The following MYO15A variants were observed in gnomAD, a reference collection of about 807,000 sequenced individuals.
MYO15A encodes unconventional myosin-XV.
MYO15A carries 308 observed loss-of-function variants against 394.6 expected under a neutral mutation model. The observed-to-expected ratio is 0.78, with a 90% confidence interval of 0.71 to 0.86. The LOEUF (loss-of-function observed/expected upper bound fraction) is 0.86. MYO15A is among the 40% of genes least tolerant of loss of function. MYO15A has a pLI of 0.00. For synonymous variants in MYO15A, 1,957 were observed against 2,003.8 expected (o/e 0.98, Z 0.62); for missense variants, 4,606 against 4,799.1 (o/e 0.96, Z 1.19).
rs376620292 is a variant in MYO15A at position 18,119,376 on chromosome 17, C to T, written c.576C>T (p.Arg192=). Residue 192 remains arginine (R), a synonymous_variant, in exon 2 of 66, where the codon CGC becomes CGT. Transcript: ENST00000647165. ...GGGGCCGGCTCCGGAGGTTCCCCCGCAGCCGCAGCATCTACGCGTCAGGCG... is the reference window on the plus strand; with the variant it reads ...GGGGCCGGCTCCGGAGGTTCCCCCGTAGCCGCAGCATCTACGCGTCAGGCG... ...RPGGRLRRFP[R]SRSIYASGEP... is the part of the protein sequence containing the mutation. 3.0e-5 allele frequency: 48 copies of T among 1,610,184 alleles called. No homozygotes were observed. The African/African-American group carries it at 5.6e-4, about 19-fold the overall frequency.
At position 18,154,179 on chromosome 17, in the gene MYO15A, C is replaced by CT; in HGVS notation, c.8138dup (p.Phe2714ValfsTer18). On this transcript the variant is annotated frameshift_variant, in exon 44 of 66. Transcript: ENST00000647165. LOFTEE classifies it high-confidence loss of function. ...CAGCCATCCTGTGCAGCTTGACCTCCTGTTCCGGCAGGTGAGGTCCTGTCT... is the reference window on the plus strand; with the variant it reads ...CAGCCATCCTGTGCAGCTTGACCTCCTTGTTCCGGCAGGTGAGGTCCTGTCT... 1 of 1,614,086 alleles carries CT rather than the reference C, an allele frequency of 6.2e-7. No homozygotes were observed. The highest frequency in any genetic ancestry group is 8.5e-7 in the Non-Finnish European group (1 of 1,180,046).
At position 18,143,553 on chromosome 17, in the gene MYO15A, T is replaced by A. The variant is rs377216120; in HGVS notation, c.5911-13T>A. 16 of 1,553,588 alleles carry A rather than the reference T, an allele frequency of 1.0e-5. No homozygotes were observed. Among genetic ancestry groups the A allele is most frequent in the Non-Finnish European group, 1.4e-5 (16 of 1,148,580 alleles). On this transcript the variant is annotated splice_polypyrimidine_tract_variant and intron_variant, in intron 25 of 65. Coordinates refer to ENST00000647165, the MANE Select transcript of MYO15A (RefSeq NM_016239.4). The stretch of plus-strand genomic sequence containing the variant: ...GCCTGCCACTCCCCAACCTGACATC[T>A]TCTCTTCTGAAGCTGAGGGCAGAGT...
At chr17:18,170,553 C>T (rs574881834) in intron 62 of MYO15A, among the ~76,000 whole-genome samples, 19 of 151,850 alleles carry the variant, frequency 1.3e-4, no homozygotes, top group African/African-American at 4.6e-4. Flanking sequence ...AGACGGGGGT[C>T]TTACCATGTT....
In MYO15A at chr17:18,121,873, G is replaced by A. The variant is rs1276254862; in HGVS notation, c.3073G>A (p.Ala1025Thr). ...CACCCTGGGGGACCCCCAGCTGCCAGCAGAGACCAAGCCTCCAACCCCAGC... is the reference window on the plus strand; with the variant it reads ...CACCCTGGGGGACCCCCAGCTGCCAACAGAGACCAAGCCTCCAACCCCAGC... The part of the protein sequence containing the change: ...EATLGDPQLP[A>T]ETKPPTPAPP... Residue 1025 changes from alanine to threonine, a missense_variant, in exon 2 of 66, where the codon GCA becomes ACA. Coordinates refer to ENST00000647165, the MANE Select transcript of MYO15A (RefSeq NM_016239.4). This position sits in a 1 kb window ranked among gnomAD's most constrained non-coding sequence, Gnocchi z 5.3. 3.1e-6 allele frequency: 5 copies of A among 1,612,764 alleles called. No individual in the cohort carries two copies. The highest frequency in any genetic ancestry group is 1.3e-5 in the African/African-American group (1 of 74,872).
In MYO15A at chr17:18,154,037, A is replaced by C; in HGVS notation, c.8089-94A>C. ...GGGCTGAAACCAGGGGTGGGGTTAC[A>C]GCCGGGGCGGAACTGCATTTAGGGG... On this transcript the variant is annotated intron_variant, in intron 43 of 65. Transcript: ENST00000647165. 1.9e-6 allele frequency: 3 copies of C among 1,604,210 alleles called. No homozygotes were observed. The South Asian group carries it at 3.3e-5, about 18-fold the overall frequency.
chr17:18,169,652 G>A lies in MYO15A; in HGVS notation c.10082+1929G>A, dbSNP rs183362550. The A allele has an allele frequency of 3.3e-5, 5 of 151,946 alleles. No homozygotes were observed. The East Asian group carries it at 9.7e-4, about 29-fold the overall frequency. 9.4% of individuals were successfully genotyped at this position (151,946 alleles called of 1,614,324 possible). On this transcript the variant is annotated intron_variant, in intron 62 of 65. Coordinates refer to ENST00000647165, the MANE Select transcript of MYO15A (RefSeq NM_016239.4). ...ACTCCGTCTCAAAAACAAAAAAAGTGGACCTCAAAGAGCTTTTGTTTATGT... is the reference window on the plus strand; with the variant it reads ...ACTCCGTCTCAAAAACAAAAAAAGTAGACCTCAAAGAGCTTTTGTTTATGT...
At chr17:18,159,747 T>C in intron 55 of MYO15A, 68 bp downstream of exon 55, 1 of 1,564,332 alleles carries the variant, frequency 6.4e-7, no homozygotes, top group South Asian at 1.1e-5. Context: ...CATCTATCAA[T>C]GAGTCACAGG....
rs767205508 is a variant in MYO15A, at chr17:18,153,852, T to C, written c.8044T>C (p.Tyr2682His). The C allele has an allele frequency of 6.2e-7, 1 of 1,613,640 alleles. No individual in the cohort carries two copies. The highest frequency in any genetic ancestry group is 1.7e-5 in the Admixed American group (1 of 60,026). Residue 2682 changes from tyrosine to histidine, a missense_variant, in exon 43 of 66, where the codon TAC becomes CAC. By Grantham distance (83) the Tyr-to-His change is moderately conservative (BLOSUM62 2). Coordinates refer to ENST00000647165, the MANE Select transcript of MYO15A (RefSeq NM_016239.4). The surrounding 1 kb of genome is among the most constrained non-coding windows in gnomAD (Gnocchi z 4.1). ...RLHRLINPNF[Y>H]GYQDAPWKIF... Reference sequence around the variant, plus strand: ...GCACCGCCTCATCAATCCCAACTTCTACGGCTATCAGGACGCCCCCTGGAA... The same window carrying C: ...GCACCGCCTCATCAATCCCAACTTCCACGGCTATCAGGACGCCCCCTGGAA...
Position 18,132,926 on chromosome 17 carries a change from A to G in MYO15A, c.4321-299A>G, listed in dbSNP as rs932091097. On this transcript the variant is annotated intron_variant, in intron 11 of 65. Transcript: ENST00000647165. This position sits in a 1 kb window ranked among gnomAD's most constrained non-coding sequence, Gnocchi z 4.6. ...GAGGCTTAGATGAGGAAACGCATGTAAAGAGCTTAGCACAGGGCCTGGCAT... is the reference window on the plus strand; with the variant it reads ...GAGGCTTAGATGAGGAAACGCATGTGAAGAGCTTAGCACAGGGCCTGGCAT... Among the ~76,000 whole-genome samples, 3 of 152,214 alleles carry G rather than the reference A, an allele frequency of 2.0e-5. No individual in the cohort carries two copies. The highest frequency in any genetic ancestry group is 7.2e-5 in the African/African-American group (3 of 41,454).
chr17:18,128,061 C>A (rs1352499436), intron 7 of MYO15A, among the ~76,000 whole-genome samples: 1 of 151,722 alleles, frequency 6.6e-6, no homozygotes, highest in South Asian at 2.1e-4. Context: ...AGCGCCTGCA[C>A]TTTGAGGTGC....
chr17:18,150,812 G>T lies in MYO15A; in HGVS notation c.7396-24G>T. ...GGGGGGTGGAGAATGGACCTGCCTG[G>T]TCACCACTGCCACCTCTCCCCAGGC... On this transcript the variant is annotated intron_variant, in intron 37 of 65. Coordinates refer to ENST00000647165, the MANE Select transcript of MYO15A (RefSeq NM_016239.4). The surrounding 1 kb of genome is among the most constrained non-coding windows in gnomAD (Gnocchi z 4.4). 7 of 1,587,648 alleles carry T rather than the reference G, an allele frequency of 4.4e-6. No individual in the cohort carries two copies. The highest frequency in any genetic ancestry group is 6.0e-6 in the Non-Finnish European group (7 of 1,166,602).
chr17:18,166,367 A>G lies in MYO15A; in HGVS notation c.9794A>G (p.His3265Arg). The change falls in exon 61 of 66, where the codon CAT (histidine) becomes CGT (arginine). Residue 3265 changes from histidine (H) to arginine (R), a missense_variant. This residue lies in a region of MYO15A where 2,776 missense variants were observed against 3,109.3 expected (regional missense o/e 0.89). Coordinates refer to ENST00000647165, the MANE Select transcript of MYO15A (RefSeq NM_016239.4). ...GCCTCCCTGCTCTCTGCAGGCCAGC[A>G]TGTGTGCCCACTCAGTCGCCGTGCT... The part of the protein sequence containing the change: ...VIFVVTNRGQ[H>R]VCPLSRRAYI... The G allele has an allele frequency of 6.2e-7, 1 of 1,613,078 alleles. No homozygotes were observed. The highest frequency in any genetic ancestry group is 8.5e-7 in the Non-Finnish European group (1 of 1,180,020).
At position 18,157,845 on chromosome 17, in the gene MYO15A, TG is replaced by T; in HGVS notation, c.8914del (p.Ala2972ProfsTer62). 7.5e-7 allele frequency: 1 copy of T among 1,339,750 alleles called. No individual in the cohort carries two copies. 83.0% of individuals were successfully genotyped at this position (1,339,750 alleles called of 1,614,324 possible). ...CCAGGCCGCGGCCGAGCAGCCGCCGTGGCCGCTGCTGTGGCCTCTGCAGCCG... is the reference window on the plus strand; with the variant it reads ...CCAGGCCGCGGCCGAGCAGCCGCCGTGCCGCTGCTGTGGCCTCTGCAGCCG... ...TEPGRGRAAA[V>X]AAAVASAAAA... On this transcript the variant is annotated frameshift_variant, in exon 51 of 66. Coordinates refer to ENST00000647165, the MANE Select transcript of MYO15A (RefSeq NM_016239.4). LOFTEE classifies it high-confidence loss of function.
intron 65 of MYO15A, chr17:18,176,897 A>T (rs1034141781): frequency 2.0e-5 from 3 of 152,200 alleles, no homozygotes; most frequent in African/African-American, 7.2e-5. Context: ...TCATTCCCCC[A>T]TCAGAATGTC....
intron 7 of MYO15A, 116 bp downstream of exon 7, chr17:18,127,281 T>TC: frequency 7.8e-7 from 1 of 1,282,474 alleles, no homozygotes; most frequent in Non-Finnish European, 1.1e-6. Flanking sequence ...GAGGCTGAGT[T>TC]CCAGAAGGGG....
rs747863199 is a variant in MYO15A at position 18,119,755 on chromosome 17, CCGT to C, written c.958_960del (p.Ser320del). On this transcript the variant is annotated inframe_deletion, in exon 2 of 66. Coordinates refer to ENST00000647165, the MANE Select transcript of MYO15A (RefSeq NM_016239.4). ...CGATTACGAACCCCCATATGCGCCC[CCGT>C]CGGGGTACTCGTCTCCTTACAGCTA... 8 of 1,612,908 alleles carry C rather than the reference CCGT, an allele frequency of 5.0e-6. No individual in the cohort carries two copies. Among genetic ancestry groups the C allele is most frequent in the Non-Finnish European group, 6.8e-6 (8 of 1,179,992 alleles).
rs1567651215 is a variant in MYO15A, at chr17:18,149,489, C to G, written c.7121C>G (p.Ser2374Ter). 4 of 1,613,614 alleles carry G rather than the reference C, an allele frequency of 2.5e-6. No individual in the cohort carries two copies. Among genetic ancestry groups the G allele is most frequent in the Non-Finnish European group, 3.4e-6 (4 of 1,179,464 alleles). The change falls in exon 35 of 66, where the codon TCA becomes TGA. Residue 2374 changes from serine (S) to a stop codon, truncating the protein, a stop_gained. Transcript: ENST00000647165. LOFTEE classifies it high-confidence loss of function. ...AQRGTATHQE[S>*]DSLGEPAVPH... ...ATTTTTGTGCCTTCCCCTCCAGAGTCAGACAGTCTTGGAGAGCCTGCTGTG... is the reference window on the plus strand; with the variant it reads ...ATTTTTGTGCCTTCCCCTCCAGAGTGAGACAGTCTTGGAGAGCCTGCTGTG...
intron 38 of MYO15A, 91 bp from the exon 39 acceptor site, chr17:18,151,019 C>T: frequency 6.2e-7 from 1 of 1,606,788 alleles, no homozygotes. Flanking sequence ...AGCCCAGGAG[C>T]TCCACAACCC....
At chr17:18,160,881 T>C (rs712274) in intron 56 of MYO15A, 261,434 of 355,314 alleles carry the variant, frequency 0.74, 97,681 homozygotes, top group African/African-American at 0.87. Context: ...TCTCCATCTG[T>C]ACTACCTCCT....
Sources: gnomAD v4.1 joint callset for allele counts (sites outside exome capture counted in the v4.1 genomes callset) on GRCh38, gnomAD v4.1.1 for gene constraint, gnomAD v4.1.1 regional missense constraint, Gnocchi (gnomAD v3.1) non-coding constraint, MANE v1.5 for transcripts, NCBI Gene and HGNC (gene_info 2026-07-23, HGNC 2026-07-21) for gene names.